The following RIPK2 variants were observed in gnomAD, a reference collection of about 807,000 sequenced individuals.
RIPK2 encodes the protein receptor interacting serine/threonine kinase 2.
A neutral mutation model predicts 60.9 loss-of-function variants in RIPK2; 38 were observed. The observed-to-expected ratio is 0.62, with a 90% CI of 0.48 to 0.82. The LOEUF (loss-of-function observed/expected upper bound fraction) is 0.82. RIPK2 is among the 40% of genes least tolerant of loss of function. The pLI, the probability that RIPK2 is intolerant of heterozygous loss-of-function variation, is 0.00. For synonymous variants in RIPK2, 225 were observed against 223.4 expected (o/e 1.01, Z -0.06); for missense variants, 518 against 647.0 (o/e 0.80, Z 2.16).
intron 1 of RIPK2, among the ~76,000 whole-genome samples, chr8:89,761,014 G>T (rs186252488): frequency 6.6e-6 from 1 of 152,330 alleles, no homozygotes; most frequent in East Asian, 1.9e-4. Context: ...TTTCCTAGCA[G>T]TTGGAGTATT....
chr8:89,777,263 T>C (rs1373097371), intron 6 of RIPK2, among the ~76,000 whole-genome samples: 1 of 152,228 alleles, frequency 6.6e-6, no homozygotes, highest in Non-Finnish European at 1.5e-5. Context: ...AAGTAAGTAT[T>C]GCCTAATGGC....
At chr8:89,775,367 C>T (rs11984756) in intron 6 of RIPK2, among the ~76,000 whole-genome samples, 8,962 of 152,248 alleles carry the variant, frequency 0.059, 453 homozygotes, top group East Asian at 0.25. Context: ...AGGAGGATTG[C>T]TTGAGCCCAA....
intron 8 of RIPK2, 142 bp from the exon 9 acceptor site, chr8:89,786,451 G>A: frequency 1.7e-6 from 1 of 585,474 alleles, no homozygotes; most frequent in Non-Finnish European, 3.0e-6. Flanking sequence ...TCCAGACTGG[G>A]CAACAGAGTG....
intron 1 of RIPK2, among the ~76,000 whole-genome samples, chr8:89,760,588 G>C (rs1809128410): frequency 6.6e-6 from 1 of 152,176 alleles, no homozygotes; most frequent in South Asian, 2.1e-4. Flanking sequence ...CAATAGGGTA[G>C]AAAGAATGCA....
At chr8:89,778,526 G>T (rs1488775293) in intron 6 of RIPK2, among the ~76,000 whole-genome samples, 1 of 152,068 alleles carries the variant, frequency 6.6e-6, no homozygotes, top group East Asian at 1.9e-4. Flanking sequence ...TTCTAGATTT[G>T]CCTTTTCTGG....
intron 9 of RIPK2, among the ~76,000 whole-genome samples, chr8:89,787,967 C>T (rs367577175): frequency 7.2e-5 from 11 of 151,760 alleles, no homozygotes; most frequent in Non-Finnish European, 1.3e-4. Context: ...CTTAGAGGAG[C>T]GATGAGAGAA....
intron 6 of RIPK2, among the ~76,000 whole-genome samples, chr8:89,775,031 T>TA (rs1326788264): frequency 2.0e-5 from 3 of 151,814 alleles, no homozygotes; most frequent in Admixed American, 6.6e-5. Flanking sequence ...GATGTACATT[T>TA]AAAAAAAATA....
intron 6 of RIPK2, among the ~76,000 whole-genome samples, chr8:89,778,876 A>G (rs960736424): frequency 6.6e-6 from 1 of 152,208 alleles, no homozygotes; most frequent in East Asian, 1.9e-4. Flanking sequence ...AATTTTTAAG[A>G]AACTGCAAGC....
rs143616808 is a variant in RIPK2, at chr8:89,765,382, C to T, written c.369C>T (p.Arg123=). 4 of 1,610,076 alleles carry T rather than the reference C, an allele frequency of 2.5e-6. No homozygotes were observed. The highest frequency in any genetic ancestry group is 3.4e-6 in the Non-Finnish European group (4 of 1,177,126). ...ATGTTGCTTGGCCATTGAGATTTCG[C>T]ATCCTGCATGAAATTGCCCTTGGTG... The part of the protein sequence containing the change: ...YPDVAWPLRF[R]ILHEIALGVN... Residue 123 remains arginine, a synonymous_variant, in exon 3 of 11, where the codon CGC becomes CGT. Coordinates refer to ENST00000220751, the MANE Select transcript of RIPK2 (RefSeq NM_003821.6).
At chr8:89,786,197 G>A (rs1809584242) in intron 8 of RIPK2, among the ~76,000 whole-genome samples, 1 of 151,924 alleles carries the variant, frequency 6.6e-6, no homozygotes, top group African/African-American at 2.4e-5. Context: ...TTGTAGGTTG[G>A]GCACAATGGC....
In RIPK2 at chr8:89,765,488, C is replaced by A. The variant is rs750558136; in HGVS notation, c.475C>A (p.His159Asn). ...GAATATCTTATTGGACAATGAATTT[C>A]ATGTTAAGGTAATTACTTTTTTAAA... is the stretch of plus-strand genomic sequence containing the variant. Reference protein sequence around the residue: ...TQNILLDNEFHVKIADFGLSK... With the variant: ...TQNILLDNEFNVKIADFGLSK... Residue 159 changes from histidine to asparagine, a missense_variant, in exon 3 of 11, where the codon CAT (histidine) becomes AAT (asparagine). Physicochemically the swap from His to Asn is moderately conservative, Grantham distance 68. Around this residue, in one of 3 missense-constraint regions of RIPK2, gnomAD observed 448 missense variants for 534.7 expected, o/e 0.84. Coordinates refer to ENST00000220751, the MANE Select transcript of RIPK2 (RefSeq NM_003821.6). 6.4e-7 allele frequency: 1 copy of A among 1,567,030 alleles called. No individual in the cohort carries two copies. Among genetic ancestry groups the A allele is most frequent in the South Asian group, 1.1e-5 (1 of 88,018 alleles).
chr8:89,771,654 C>A, intron 4 of RIPK2, 87 bp from the exon 5 acceptor site: 1 of 812,580 alleles, frequency 1.2e-6, no homozygotes, highest in Non-Finnish European at 2.0e-6. Flanking sequence ...ATGGTATCTT[C>A]AGTCAGCTTT....
intron 1 of RIPK2, among the ~76,000 whole-genome samples, chr8:89,759,920 C>T (rs1809118012): frequency 6.6e-6 from 1 of 152,136 alleles, no homozygotes; most frequent in Non-Finnish European, 1.5e-5. Flanking sequence ...GAGGGAGTTT[C>T]CTTCCCATAC....
intron 6 of RIPK2, among the ~76,000 whole-genome samples, chr8:89,778,778 A>C (rs566594699): frequency 6.6e-6 from 1 of 152,324 alleles, no homozygotes; most frequent in East Asian, 1.9e-4. Flanking sequence ...ATGACTGTTC[A>C]CATACAAGTC....
chr8:89,759,995 G>A (rs7010806), intron 1 of RIPK2, among the ~76,000 whole-genome samples: 8 of 152,046 alleles, frequency 5.3e-5, no homozygotes, highest in African/African-American at 9.7e-5. Flanking sequence ...TTCTGTCTTC[G>A]AGGAAGCCAT....
At chr8:89,785,459 G>C (rs1286784486) in intron 8 of RIPK2, among the ~76,000 whole-genome samples, 2 of 151,846 alleles carry the variant, frequency 1.3e-5, no homozygotes, top group Non-Finnish European at 2.9e-5. Flanking sequence ...AAAAAACTTT[G>C]TTTCAGGTAT....
At chr8:89,758,916 T>A (rs534577793) in intron 1 of RIPK2, among the ~76,000 whole-genome samples, 1 of 152,348 alleles carries the variant, frequency 6.6e-6, no homozygotes, top group African/African-American at 2.4e-5. Flanking sequence ...AATTTTAAAT[T>A]GTATGTGGTG....
intron 3 of RIPK2, among the ~76,000 whole-genome samples, chr8:89,769,421 A>G (rs1809278519): frequency 6.6e-6 from 1 of 151,882 alleles, no homozygotes; most frequent in Non-Finnish European, 1.5e-5. Flanking sequence ...TGTAGGAAGC[A>G]CATGGTATCA....
intron 5 of RIPK2, 140 bp from the exon 6 acceptor site, chr8:89,772,527 A>G (rs1381865179): frequency 1.7e-6 from 1 of 602,414 alleles, no homozygotes; most frequent in East Asian, 2.9e-5. Flanking sequence ...GGGTATATAT[A>G]TTCCTTTTAC....
Sources: allele counts gnomAD v4.1 joint callset (sites outside exome capture counted in the v4.1 genomes callset), GRCh38; gene constraint gnomAD v4.1.1; regional missense constraint gnomAD v4.1.1; transcripts MANE v1.5; gene names NCBI Gene and HGNC (gene_info 2026-07-23, HGNC 2026-07-21).